The following SLIT2 variants were observed in gnomAD, a reference collection of about 807,000 sequenced individuals.
SLIT2 encodes the protein slit guidance ligand 2.
Under a neutral mutation model 185.7 loss-of-function variants are expected in SLIT2, and 41 were observed. The observed-to-expected ratio is 0.22, with a 90% confidence interval of 0.17 to 0.29. SLIT2 has a LOEUF of 0.29. Among genes scored for constraint, SLIT2 ranks in the 10% least tolerant of loss-of-function variants. SLIT2 has a pLI of 1.00. For missense variants in SLIT2, 1,571 were observed against 1,909.0 expected (o/e 0.82, Z 3.30); for synonymous variants, 693 against 680.2 (o/e 1.02, Z -0.29).
intron 4 of SLIT2, among the ~76,000 whole-genome samples, chr4:20,294,495 G>T (rs1716277656): frequency 6.6e-6 from 1 of 152,170 alleles, no homozygotes; most frequent in Non-Finnish European, 1.5e-5. Flanking sequence ...TGGAGTAAAT[G>T]TTGAAGTATC....
At chr4:20,522,108 C>A (rs1720893408) in intron 12 of SLIT2, among the ~76,000 whole-genome samples, 1 of 152,092 alleles carries the variant, frequency 6.6e-6, no homozygotes, top group African/African-American at 2.4e-5. Flanking sequence ...TATATAATAA[C>A]ACGCTTCAGA....
intron 4 of SLIT2, among the ~76,000 whole-genome samples, chr4:20,355,345 T>C (rs1722232472): frequency 6.6e-6 from 1 of 152,200 alleles, no homozygotes; most frequent in Admixed American, 6.5e-5. Context: ...ATGGGGTAAT[T>C]TGTGCCTTTG....
intron 26 of SLIT2, among the ~76,000 whole-genome samples, chr4:20,559,296 C>A (rs553583743): frequency 6.6e-6 from 1 of 151,884 alleles, no homozygotes; most frequent in Non-Finnish European, 1.5e-5. Flanking sequence ...AAACAGCATG[C>A]GTGTAAGCCA....
intron 4 of SLIT2, among the ~76,000 whole-genome samples, chr4:20,323,772 A>G (rs545558660): frequency 6.6e-6 from 1 of 152,316 alleles, no homozygotes; most frequent in Non-Finnish European, 1.5e-5. Flanking sequence ...TGTATAAGCT[A>G]AATCAAGTTA....
In SLIT2 at chr4:20,405,638, G is replaced by T. The variant is rs76780544; in HGVS notation, c.396-62114G>T. Among the ~76,000 whole-genome samples, 127 of 151,910 alleles carry T rather than the reference G, an allele frequency of 8.4e-4. 3 individuals are homozygous for T. In the East Asian group the frequency reaches 0.023, roughly 28 times the overall value. ...TAATCAAATTTAACCCAAATGGAAG[G>T]TGGTATTAGTAGACTCAGTGGTCCA... On this transcript the variant is annotated intron_variant, in intron 4 of 36. Transcript: ENST00000504154.
chr4:20,257,973 T>A (rs780851744), intron 3 of SLIT2, 34 bp downstream of exon 3: 1 of 1,004,850 alleles, frequency 1.0e-6, no homozygotes, highest in East Asian at 2.4e-5. Context: ...TATGACAACA[T>A]AACTGTGTTT....
Position 20,268,887 on chromosome 4 carries a change from TA to T in SLIT2, c.395+7del, listed in dbSNP as rs778635714. On this transcript the variant is annotated splice_region_variant and intron_variant, in intron 4 of 36. Transcript: ENST00000504154. ...ACTGCGAAGCTATACAGGCTGTAAGTAGACACAAATAGTTATTGTTGCTTTG... is the reference window on the plus strand; with the variant it reads ...ACTGCGAAGCTATACAGGCTGTAAGTGACACAAATAGTTATTGTTGCTTTG... 1.3e-6 allele frequency: 2 copies of T among 1,534,736 alleles called. No homozygotes were observed. The highest frequency in any genetic ancestry group is 1.8e-6 in the Non-Finnish European group (2 of 1,108,056).
chr4:20,355,204 A>G (rs1484211305), intron 4 of SLIT2, among the ~76,000 whole-genome samples: 1 of 152,196 alleles, frequency 6.6e-6, no homozygotes, highest in Non-Finnish European at 1.5e-5. Flanking sequence ...TGTGTAATGC[A>G]TTTCTTCTGG....
intron 4 of SLIT2, among the ~76,000 whole-genome samples, chr4:20,444,584 G>A (rs762435735): frequency 2.6e-5 from 4 of 152,172 alleles, no homozygotes; most frequent in Non-Finnish European, 4.4e-5. Context: ...CATTTTGACC[G>A]TATCACAGTA....
chr4:20,482,062 G>A (rs900445517), intron 6 of SLIT2, among the ~76,000 whole-genome samples: 4 of 151,830 alleles, frequency 2.6e-5, no homozygotes, highest in East Asian at 1.9e-4. Context: ...TTTAATATAC[G>A]AAACTCACTG....
chr4:20,598,415 G>A lies in SLIT2; in HGVS notation c.3692+20G>A, dbSNP rs891105852. 3 of 1,613,248 alleles carry A rather than the reference G, an allele frequency of 1.9e-6. No homozygotes were observed. The highest frequency in any genetic ancestry group is 1.7e-6 in the Non-Finnish European group (2 of 1,179,604). ...TTACAGGTGAAGATCTCTCAGTTAC[G>A]GGTAAAGGTGAAAAAAATTGCTTAA... On this transcript the variant is annotated intron_variant, in intron 33 of 36. Coordinates refer to ENST00000504154, the MANE Select transcript of SLIT2 (RefSeq NM_004787.4).
intron 10 of SLIT2, 118 bp from the exon 11 acceptor site, chr4:20,510,948 G>T (rs531463634): frequency 2.0e-5 from 12 of 606,308 alleles, no homozygotes; most frequent in African/African-American, 1.6e-4. Flanking sequence ...AATGTTGCAC[G>T]TTTTGGACAT....
chr4:20,449,959 T>A (rs1712282581), intron 4 of SLIT2, among the ~76,000 whole-genome samples: 1 of 67,836 alleles, frequency 1.5e-5, no homozygotes, highest in Non-Finnish European at 3.1e-5. Context: ...GACAGCTCAG[T>A]GTTTTTTTTT....
chr4:20,554,257 C>A, intron 26 of SLIT2: 1 of 512,368 alleles, frequency 2.0e-6, no homozygotes, highest in South Asian at 1.6e-5. Context: ...TAGCCTCTAA[C>A]AAGTCAAATG....
Position 20,543,089 on chromosome 4 carries a change from C to G in SLIT2, c.2276+463C>G, listed in dbSNP as rs542448994. Among the ~76,000 whole-genome samples the G allele has an allele frequency of 2.0e-5, 3 of 151,406 alleles. No individual in the cohort carries two copies. In the South Asian group the frequency reaches 6.2e-4, roughly 32 times the overall value. On this transcript the variant is annotated intron_variant, in intron 21 of 36. Transcript: ENST00000504154. ...GTACAGGAAACTTTTTTTTTTACCT[C>G]TGTGACCCCTAGGAGAAAATTTTAC...
At chr4:20,496,159 T>G (rs1213299629) in intron 9 of SLIT2, among the ~76,000 whole-genome samples, 1 of 152,192 alleles carries the variant, frequency 6.6e-6, no homozygotes, top group Admixed American at 6.5e-5. Context: ...AAAGTATATG[T>G]ATGCCATATA....
intron 9 of SLIT2, among the ~76,000 whole-genome samples, chr4:20,504,891 T>A (rs889524137): frequency 2.6e-5 from 4 of 151,974 alleles, no homozygotes; most frequent in Non-Finnish European, 5.9e-5. Context: ...ATTGTAATAA[T>A]TGTTGTATTT....
chr4:20,534,023 C>G (rs1490388584), intron 18 of SLIT2, among the ~76,000 whole-genome samples: 1 of 152,126 alleles, frequency 6.6e-6, no homozygotes, highest in African/African-American at 2.4e-5. Flanking sequence ...AGCAGATGAT[C>G]AGGAGCGTCC....
intron 4 of SLIT2, among the ~76,000 whole-genome samples, chr4:20,352,105 T>A (rs1319024592): frequency 1.3e-5 from 2 of 152,186 alleles, no homozygotes; most frequent in Non-Finnish European, 2.9e-5. Flanking sequence ...TGTCTCTATG[T>A]ATGCAATTTT....
Sources: gnomAD v4.1 joint callset for allele counts (sites outside exome capture counted in the v4.1 genomes callset) on GRCh38, gnomAD v4.1.1 for gene constraint, MANE v1.5 for transcripts, NCBI Gene and HGNC (gene_info 2026-07-23, HGNC 2026-07-21) for gene names.